The following TMEM80 variants were observed in gnomAD, a reference collection of about 807,000 sequenced individuals.
TMEM80 encodes transmembrane protein 80.
A neutral mutation model predicts 13.6 loss-of-function variants in TMEM80; 16 were observed. That is an observed-to-expected ratio of 1.17 (90% CI 0.79 to 1.78). The LOEUF is 1.78. Among genes scored for constraint, TMEM80 ranks in the 40% most tolerant of loss-of-function variants. TMEM80 has a pLI of 0.00. For missense variants in TMEM80, 167 were observed against 184.6 expected, an observed-to-expected ratio of 0.90 and a Z score of 0.55; for synonymous variants, 92 against 89.5, an observed-to-expected ratio of 1.03 and a Z score of -0.16.
chr11:699,998 TAGGC>T, intron 2 of TMEM80, 140 bp from the exon 3 acceptor site: 1 of 635,104 alleles, frequency 1.6e-6, no homozygotes, highest in Non-Finnish European at 2.8e-6. Flanking sequence ...AAGCCTCAGA[TAGGC>T]AGTGAGCCAT....
At position 702,978 on chromosome 11, in the gene TMEM80, C is replaced by A; in HGVS notation, c.260C>A (p.Pro87Gln). ...TRGNLTEAERPLAASLALTAG... is the reference protein window; with the variant it reads ...TRGNLTEAERQLAASLALTAG... ...GGCAACCTGACAGAGGCTGAGAGGC[C>A]GCTGGCCGCCAGCCTGGCCCTCACG... Residue 87 changes from proline (P) to glutamine (Q), a missense_variant, in exon 5 of 5, where the codon CCG becomes CAG. Pro to Gln is a moderately conservative substitution (Grantham distance 76). Coordinates refer to ENST00000397510, the MANE Select transcript of TMEM80 (RefSeq NM_001042463.3). 1.2e-6 allele frequency: 2 copies of A among 1,610,276 alleles called. No individual in the cohort carries two copies. Among genetic ancestry groups the A allele is most frequent in the Non-Finnish European group, 1.7e-6 (2 of 1,179,094 alleles).
rs1398012846 is a variant in TMEM80 at position 703,847 on chromosome 11, G to A, written c.*697G>A. 1.6e-6 allele frequency: 2 copies of A among 1,236,210 alleles called. No individual in the cohort carries two copies. Among genetic ancestry groups the A allele is most frequent in the Admixed American group, 4.1e-5 (1 of 24,592 alleles). The allele number at this position is 1,236,210 out of a possible 1,614,324, so 76.6% of individuals were successfully genotyped here. ...GCTAAGGCCGGGGATGAGACTGCAG[G>A]AGAGAGAGCAGCGGAGGGCCACATT... On this transcript the variant is annotated 3_prime_UTR_variant, in exon 5 of 5. Transcript: ENST00000397510.
At position 701,406 on chromosome 11, in the gene TMEM80, CTTTTTTTTT is replaced by C. The variant is rs71022955; in HGVS notation, c.226+713_226+721del. On this transcript the variant is annotated intron_variant, in intron 4 of 4. Transcript: ENST00000397510. ...TTTTGGTAGAGACGAGACAAGGTTT[CTTTTTTTTT>C]TTTTTTTTTTTTTGAGACAGAGTCT... Among the ~76,000 whole-genome samples, 3 of 64,900 alleles carry C rather than the reference CTTTTTTTTT, an allele frequency of 4.6e-5. 1 individual carries two copies. Among genetic ancestry groups the C allele is most frequent in the South Asian group, 1.4e-3 (2 of 1,384 alleles). The allele number at this position is 64,900 out of a possible 152,430, so 42.6% of individuals were successfully genotyped here. A position where few individuals can be genotyped will look rare whatever the true frequency, so the allele number is the denominator to read the frequency against.
At position 703,260 on chromosome 11, in the gene TMEM80, G is replaced by C. The variant is rs1861582938; in HGVS notation, c.*110G>C. ...AGGAAGGGCACTTTTCCTAGTGACT[G>C]GCCATAGATGGTTTTGGATGGTTCC... On this transcript the variant is annotated 3_prime_UTR_variant, in exon 5 of 5. Coordinates refer to ENST00000397510, the MANE Select transcript of TMEM80 (RefSeq NM_001042463.3). The C allele has an allele frequency of 6.9e-7, 1 of 1,452,016 alleles. No individual in the cohort carries two copies. Among genetic ancestry groups the C allele is most frequent in the Admixed American group, 2.6e-5 (1 of 38,280 alleles). The allele number at this position is 1,452,016 out of a possible 1,614,324, so 89.9% of individuals were successfully genotyped here. A position where few individuals can be genotyped will look rare whatever the true frequency, so the allele number is the denominator to read the frequency against.
chr11:695,795 G>A (rs1472540030), upstream of TMEM80: 2 of 1,235,898 alleles, frequency 1.6e-6, no homozygotes, highest in Non-Finnish European at 2.0e-6. Context: ...AGGCTGCCGG[G>A]ATCGCGACGG....
chr11:703,138 C>T lies in TMEM80; in HGVS notation c.420C>T (p.Ala140=), dbSNP rs201034274. 4.4e-6 allele frequency: 7 copies of T among 1,606,618 alleles called. No homozygotes were observed. The South Asian group carries it at 6.6e-5, about 15-fold the overall frequency. The part of the protein sequence containing the change: ...EAVLQVVAIA[A]FTR ...TCCTGCAGGTGGTTGCCATCGCGGC[C>T]TTCACCAGGTAGCTACGGACACCCG... The change falls in exon 5 of 5, where the codon GCC becomes GCT. Residue 140 remains alanine (A), a synonymous_variant. Transcript: ENST00000397510.
At chr11:697,206 A>T (rs1172746825) in intron 1 of TMEM80, among the ~76,000 whole-genome samples, 5 of 152,090 alleles carry the variant, frequency 3.3e-5, no homozygotes, top group Non-Finnish European at 7.4e-5. Flanking sequence ...GTGAGCTGTG[A>T]TCAGGCCACT....
chr11:696,027 G>A (rs1374813539), intron 1 of TMEM80, among the ~76,000 whole-genome samples, 181 bp downstream of exon 1: 4 of 152,072 alleles, frequency 2.6e-5, no homozygotes, highest in African/African-American at 9.7e-5. Context: ...GGTGGCGGGC[G>A]TCCTGCACCC....
At chr11:700,816 A>T in intron 4 of TMEM80, 109 bp downstream of exon 4, 1 of 1,039,580 alleles carries the variant, frequency 9.6e-7, no homozygotes, top group Non-Finnish European at 1.5e-6. Context: ...GACATTTTTT[A>T]TCCAAACTGC....
intron 1 of TMEM80, among the ~76,000 whole-genome samples, chr11:698,666 CAG>C (rs954291998): frequency 6.6e-6 from 1 of 152,130 alleles, no homozygotes; most frequent in African/African-American, 2.4e-5. Context: ...TTCTGAAAGG[CAG>C]AGACTCCTAG....
chr11:697,532 A>G (rs192385676), intron 1 of TMEM80: 5 of 152,376 alleles, frequency 3.3e-5, no homozygotes, highest in Admixed American at 2.0e-4. Flanking sequence ...TACATCACTT[A>G]AGGCTTTTAT....
At chr11:704,265 G>A (rs554478354), downstream of TMEM80, 13 of 724,246 alleles carry the variant, frequency 1.8e-5, no homozygotes, top group South Asian at 1.1e-4. Context: ...CCTTCCGCTC[G>A]GTGGACTCCT....
chr11:700,649 C>T lies in TMEM80; in HGVS notation c.168C>T (p.Val56=), dbSNP rs1423755133. Residue 56 remains valine, a synonymous_variant, in exon 4 of 5, where the codon GTC becomes GTT. Coordinates refer to ENST00000397510, the MANE Select transcript of TMEM80 (RefSeq NM_001042463.3). ...TCAGCTATCCTCACCGCTACCTGGT[C>T]CTCGATCTTGCTCTGCTGTTTCTGA... ...QVFSYPHRYL[V]LDLALLFLMG... is the part of the protein sequence containing the mutation. 6.2e-7 allele frequency: 1 copy of T among 1,614,028 alleles called. No individual in the cohort carries two copies. The highest frequency in any genetic ancestry group is 8.5e-7 in the Non-Finnish European group (1 of 1,180,038).
Position 703,234 on chromosome 11 carries a change from C to A in TMEM80, c.*84C>A. The stretch of plus-strand genomic sequence containing the variant: ...CAGCTGTCACCTCCCCATTCCTGGA[C>A]AGGAAGGGCACTTTTCCTAGTGACT... On this transcript the variant is annotated 3_prime_UTR_variant, in exon 5 of 5. Coordinates refer to ENST00000397510, the MANE Select transcript of TMEM80 (RefSeq NM_001042463.3). 6.8e-7 allele frequency: 1 copy of A among 1,475,216 alleles called. No individual in the cohort carries two copies. The highest frequency in any genetic ancestry group is 2.4e-5 in the Admixed American group (1 of 41,682). The allele number at this position is 1,475,216 out of a possible 1,614,324, so 91.4% of individuals were successfully genotyped here.
In TMEM80 at chr11:703,448, A is replaced by G; in HGVS notation, c.*298A>G. The stretch of plus-strand genomic sequence containing the variant: ...CCTGTCAGTGGGGTCTGGCTTTAGC[A>G]GCCAGGCCTCCACAGACCCCCATGG... On this transcript the variant is annotated 3_prime_UTR_variant, in exon 5 of 5. Transcript: ENST00000397510. 7.8e-7 allele frequency: 1 copy of G among 1,281,234 alleles called. No individual in the cohort carries two copies. The highest frequency in any genetic ancestry group is 9.8e-7 in the Non-Finnish European group (1 of 1,016,988). The allele number at this position is 1,281,234 out of a possible 1,614,324, so 79.4% of individuals were successfully genotyped here. A position where few individuals can be genotyped will look rare whatever the true frequency, so the allele number is the denominator to read the frequency against.
intron 1 of TMEM80, 108 bp from the exon 2 acceptor site, chr11:698,761 G>A (rs904031256): frequency 1.6e-5 from 21 of 1,316,042 alleles, no homozygotes; most frequent in South Asian, 3.5e-5. Flanking sequence ...CTACAAATAC[G>A]AGATCAAAGG....
intron 4 of TMEM80, among the ~76,000 whole-genome samples, chr11:701,613 G>GCA (rs1564963003): frequency 5.5e-4 from 83 of 152,020 alleles, no homozygotes; most frequent in African/African-American, 2.0e-3. Context: ...GTTTCACCAT[G>GCA]TTAGCCAGGA....
downstream of TMEM80, chr11:704,798 G>C: frequency 2.1e-6 from 1 of 486,484 alleles, no homozygotes; most frequent in Non-Finnish European, 3.4e-6. Context: ...ACTCAAAATC[G>C]TGTTGACAGG....
chr11:696,098 G>A (rs1027095693), intron 1 of TMEM80, among the ~76,000 whole-genome samples: 4 of 152,082 alleles, frequency 2.6e-5, no homozygotes, highest in African/African-American at 9.7e-5. Flanking sequence ...GAGCGGCTCT[G>A]GGGGCCCCAG....
Sources: allele counts gnomAD v4.1 joint callset (sites outside exome capture counted in the v4.1 genomes callset), GRCh38; gene constraint gnomAD v4.1.1; transcripts MANE v1.5; gene names NCBI Gene and HGNC (gene_info 2026-07-23, HGNC 2026-07-21).